Variants in SAP130 observed in about 807,000 individuals in gnomAD.
SAP130 encodes histone deacetylase complex subunit SAP130.
In SAP130, 16 loss-of-function variants were observed where a neutral mutation model predicts 103.2. The observed-to-expected ratio is 0.16, with a 90% CI of 0.10 to 0.24. The LOEUF (loss-of-function observed/expected upper bound fraction) is 0.24, where lower values mean the gene tolerates loss of function less well. Ranked by LOEUF, SAP130 falls within the 10% of genes least tolerant of loss-of-function variation. The probability of loss-of-function intolerance (pLI) is 1.00; values close to 1 mark genes in which losing one functional copy is unlikely to be tolerated. For synonymous variants in SAP130, 477 were observed against 497.0 expected (o/e 0.96, Z 0.53); for missense variants, 990 against 1,359.7 (o/e 0.73, Z 4.28).
rs1307346460 is a variant in SAP130, at chr2:128,010,385, T to C, written c.753A>G (p.Pro251=). Residue 251 remains proline (P), a synonymous_variant, in exon 7 of 21, where the codon CCA becomes CCG. Transcript: ENST00000643581. ...HIIHQPIQSR[P]PVTTSNAIPP... The stretch of plus-strand genomic sequence containing the variant: ...GGATGGCATTGGAGGTGGTCACAGG[T>C]GGCCGAGACTACCAAAAGAGAAAAA... 2 of 1,610,468 alleles carry C rather than the reference T, an allele frequency of 1.2e-6. No individual in the cohort carries two copies. Among genetic ancestry groups the C allele is most frequent in the African/African-American group, 1.3e-5 (1 of 74,682 alleles).
At position 127,977,938 on chromosome 2, in the gene SAP130, C is replaced by T. The variant is rs965318193; in HGVS notation, c.2063+47G>A. The T allele has an allele frequency of 1.6e-5, 22 of 1,362,942 alleles. No individual in the cohort carries two copies. In the African/African-American group the frequency reaches 1.9e-4, roughly 12 times the overall value. 84.4% of individuals were successfully genotyped at this position (1,362,942 alleles called of 1,614,324 possible). A position where few individuals can be genotyped will look rare whatever the true frequency, so the allele number is the denominator to read the frequency against. On this transcript the variant is annotated intron_variant, in intron 15 of 20. Transcript: ENST00000643581. Reference sequence around the variant, plus strand: ...AATATTAGACTCTCCCCAACTGCAACGATGTGTGGGTAAAAGCAAGAGTGC... The same window carrying T: ...AATATTAGACTCTCCCCAACTGCAATGATGTGTGGGTAAAAGCAAGAGTGC...
chr2:128,015,276 C>A (rs1684693672), intron 4 of SAP130, among the ~76,000 whole-genome samples: 2 of 152,154 alleles, frequency 1.3e-5, no homozygotes. Flanking sequence ...CCTTTACATA[C>A]CACTGCATCC....
chr2:127,971,059 TC>T (rs1178786285), intron 15 of SAP130, among the ~76,000 whole-genome samples: 6 of 151,856 alleles, frequency 4.0e-5, no homozygotes, highest in Admixed American at 3.9e-4. Flanking sequence ...CAAGCAATCC[TC>T]CCACCTCAGC....
At chr2:127,973,393 C>T (rs764651195) in intron 15 of SAP130, among the ~76,000 whole-genome samples, 2 of 152,088 alleles carry the variant, frequency 1.3e-5, no homozygotes, top group Non-Finnish European at 2.9e-5. Flanking sequence ...CCACCACGCT[C>T]GGCTAATTTT....
chr2:127,950,022 T>C (rs1190072711), intron 17 of SAP130, 28 bp from the exon 18 acceptor site: 3 of 1,612,630 alleles, frequency 1.9e-6, no homozygotes, highest in Non-Finnish European at 2.5e-6. Flanking sequence ...TTAAACAACT[T>C]AGTAACACTG....
chr2:127,984,616 G>GA (rs1026951168), intron 14 of SAP130, among the ~76,000 whole-genome samples: 3 of 152,150 alleles, frequency 2.0e-5, no homozygotes, highest in Admixed American at 2.0e-4. Flanking sequence ...TCCCCAGAAG[G>GA]AAAGTAGAGT....
rs916423187 is a variant in SAP130, at chr2:127,942,532, A to G, written c.2907T>C (p.Asn969=). ...GTCTTTCATAGACATCATGTTCTAG[A>G]TTCGTCTGCAACACACAAAAGGGAG... ...LCAAQLLQLT[N]LEHDVYERLT... Residue 969 remains asparagine, a synonymous_variant, in exon 20 of 21, where the codon AAT becomes AAC. Transcript: ENST00000643581. The surrounding 1 kb of genome is among the most constrained non-coding windows in gnomAD (Gnocchi z 4.8). 6.3e-7 allele frequency: 1 copy of G among 1,587,474 alleles called. No homozygotes were observed. Among genetic ancestry groups the G allele is most frequent in the Non-Finnish European group, 8.7e-7 (1 of 1,155,686 alleles).
intron 18 of SAP130, among the ~76,000 whole-genome samples, chr2:127,947,521 T>C (rs1041702365): frequency 4.6e-5 from 7 of 152,222 alleles, no homozygotes; most frequent in African/African-American, 7.2e-5. Context: ...CTGGTGTTGA[T>C]AGCATGAAAA....
At position 127,941,454 on chromosome 2, in the gene SAP130, C is replaced by A. The variant is rs530271096; in HGVS notation, c.*552G>T. 6.6e-6 allele frequency: 1 copy of A among 152,568 alleles called. No individual in the cohort carries two copies. The highest frequency in any genetic ancestry group is 1.9e-4 in the East Asian group (1 of 5,176). 9.5% of individuals were successfully genotyped at this position (152,568 alleles called of 1,614,324 possible). A position where few individuals can be genotyped will look rare whatever the true frequency, so the allele number is the denominator to read the frequency against. On this transcript the variant is annotated 3_prime_UTR_variant, in exon 21 of 21. Transcript: ENST00000643581. ...GGGAATGGTTTTTTTTAAAAAATGACAAGAACTAATAGTTCAAACCCTTTA... is the reference window on the plus strand; with the variant it reads ...GGGAATGGTTTTTTTTAAAAAATGAAAAGAACTAATAGTTCAAACCCTTTA...
At chr2:128,021,493 A>C (rs1685158488) in intron 2 of SAP130, among the ~76,000 whole-genome samples, 1 of 151,890 alleles carries the variant, frequency 6.6e-6, no homozygotes, top group Non-Finnish European at 1.5e-5. Flanking sequence ...AAAGACTGAT[A>C]TACGTTTTCT....
chr2:127,954,805 T>C (rs1679718395), intron 16 of SAP130, among the ~76,000 whole-genome samples, 181 bp downstream of exon 16: 3 of 152,212 alleles, frequency 2.0e-5, no homozygotes, highest in Admixed American at 1.3e-4. Context: ...CAAAGTAGTT[T>C]TACTTTTCAC....
rs374154430 is a variant in SAP130 at position 127,993,211 on chromosome 2, C to T, written c.1453G>A (p.Val485Met). The T allele has an allele frequency of 4.9e-5, 79 of 1,613,678 alleles. No homozygotes were observed. The highest frequency in any genetic ancestry group is 2.9e-5 in the Non-Finnish European group (34 of 1,179,914). ...CCTGGATACTGTCGGATAGTGGACA[C>T]GGAACTGGTGATTGGGGTGTAGGTA... ...AHTYTPITSS[V>M]STIRQYPVSA... The change falls in exon 12 of 21, where the codon GTG becomes ATG. Residue 485 changes from valine to methionine, a missense_variant. Physicochemically the swap from Val to Met is conservative, Grantham distance 21. Around this residue, in one of 6 missense-constraint regions of SAP130, gnomAD observed 336 missense variants for 520.1 expected, o/e 0.65. Transcript: ENST00000643581.
rs2104759132 is a variant in SAP130 at position 127,955,202 on chromosome 2, T to C, written c.2206A>G (p.Met736Val). 1.2e-6 allele frequency: 2 copies of C among 1,613,940 alleles called. No individual in the cohort carries two copies. Among genetic ancestry groups the C allele is most frequent in the South Asian group, 1.1e-5 (1 of 91,078 alleles). ...GACGGGGGACTGGCTGCTGCAATCA[T>C]AGTTGGAATGGTCGGTGGGGGCTGC... ...AQQPPPTIPT[M>V]IAAASPPSQP... The change falls in exon 16 of 21, where the codon ATG becomes GTG. Residue 736 changes from methionine to valine, a missense_variant. Physicochemically the swap from Met to Val is conservative, Grantham distance 21. Coordinates refer to ENST00000643581, the MANE Select transcript of SAP130 (RefSeq NM_001330301.2). This position sits in a 1 kb window ranked among gnomAD's most constrained non-coding sequence, Gnocchi z 4.9.
At chr2:127,963,383 C>T (rs1324078363) in intron 15 of SAP130, among the ~76,000 whole-genome samples, 1 of 152,102 alleles carries the variant, frequency 6.6e-6, no homozygotes, top group Non-Finnish European at 1.5e-5. Context: ...GTGCGTGCCA[C>T]CATGCCCGGC....
At chr2:128,002,173 T>C (rs1683611137) in intron 7 of SAP130, among the ~76,000 whole-genome samples, 1 of 152,146 alleles carries the variant, frequency 6.6e-6, no homozygotes, top group Admixed American at 6.6e-5. Context: ...CGCCCTGGCC[T>C]CCCAAAGTGC....
rs1679799054 is a variant in SAP130, at chr2:127,955,792, T to TACAATAG, written c.2064-449_2064-448insCTATTGT. 1.3e-5 allele frequency among the ~76,000 whole-genome samples: 2 copies of TACAATAG among 152,184 alleles called. 1 individual carries two copies. The highest frequency in any genetic ancestry group is 4.1e-4 in the South Asian group (2 of 4,834). On this transcript the variant is annotated intron_variant, in intron 15 of 20. Coordinates refer to ENST00000643581, the MANE Select transcript of SAP130 (RefSeq NM_001330301.2). The surrounding 1 kb of genome is among the most constrained non-coding windows in gnomAD (Gnocchi z 4.9). ...TGTGAGCCACCACACCCAGCTCTAA[T>TACAATAG]ACTCTATTCCTTGACTTTAAAGTTT...
intron 16 of SAP130, among the ~76,000 whole-genome samples, chr2:127,954,765 C>T (rs938824546): frequency 6.6e-6 from 1 of 152,096 alleles, no homozygotes; most frequent in Non-Finnish European, 1.5e-5. Context: ...TGATTTTGGC[C>T]AGAAATTAAA....
rs1558709987 is a variant in SAP130, at chr2:128,026,259, G to A, written c.34C>T (p.Pro12Ser). 4 of 1,613,942 alleles carry A rather than the reference G, an allele frequency of 2.5e-6. No individual in the cohort carries two copies. The South Asian group carries it at 3.3e-5, about 13-fold the overall frequency. The stretch of plus-strand genomic sequence containing the variant: ...GGGGCCTGGCTCAGCCCGGTAGAAG[G>A]GGCTCCTAACCGAGGAAACTGTTGA... ...SSQQFPRLGA[P>S]STGLSQAPSQ... Residue 12 changes from proline (P) to serine (S), a missense_variant, in exon 2 of 21, where the codon CCT becomes TCT. Coordinates refer to ENST00000643581, the MANE Select transcript of SAP130 (RefSeq NM_001330301.2).
chr2:127,993,798 G>A lies in SAP130; in HGVS notation c.1356-490C>T, dbSNP rs370839943. ...CTTGCTATGTTGCCCAGGCTGGAGC[G>A]TAGTGGTTATTCACCAGCACAATCA... On this transcript the variant is annotated intron_variant, in intron 11 of 20. Transcript: ENST00000643581. 4.3e-4 allele frequency among the ~76,000 whole-genome samples: 66 copies of A among 152,218 alleles called. 1 individual carries two copies. The South Asian group carries it at 6.4e-3, about 15-fold the overall frequency.
Sources: gnomAD v4.1 joint callset for allele counts (sites outside exome capture counted in the v4.1 genomes callset) on GRCh38, gnomAD v4.1.1 for gene constraint, gnomAD v4.1.1 regional missense constraint, Gnocchi (gnomAD v3.1) non-coding constraint, MANE v1.5 for transcripts, NCBI Gene and HGNC (gene_info 2026-07-23, HGNC 2026-07-21) for gene names.